Variants in FBXW8 observed in about 807,000 individuals in gnomAD.
FBXW8 encodes the protein F-box/WD repeat-containing protein 8.
In FBXW8, 57 loss-of-function variants were observed where a neutral mutation model predicts 65.3. The observed-to-expected ratio is 0.87, with a 90% confidence interval of 0.71 to 1.09. The LOEUF (loss-of-function observed/expected upper bound fraction) is 1.09, where lower values mean the gene tolerates loss of function less well. Ranked by LOEUF, FBXW8 falls within the 50% of genes least tolerant of loss-of-function variation. FBXW8 has a pLI of 0.00. For missense variants in FBXW8, 777 were observed against 814.8 expected (o/e 0.95, Z 0.57); for synonymous variants, 308 against 330.2 (o/e 0.93, Z 0.73).
chr12:116,946,631 T>C (rs912931737), intron 3 of FBXW8, among the ~76,000 whole-genome samples: 2 of 152,002 alleles, frequency 1.3e-5, no homozygotes, highest in African/African-American at 4.8e-5. Flanking sequence ...TGAGAGTTAG[T>C]GTGGCTATCC....
At chr12:117,000,560 T>TAACA (rs1483823827) in intron 7 of FBXW8, among the ~76,000 whole-genome samples, 2 of 152,212 alleles carry the variant, frequency 1.3e-5, no homozygotes, top group Non-Finnish European at 2.9e-5. Flanking sequence ...TTTGCATGTC[T>TAACA]AACAAGTGCC....
chr12:117,021,744 G>A (rs906430871), intron 8 of FBXW8, among the ~76,000 whole-genome samples: 6 of 151,072 alleles, frequency 4.0e-5, no homozygotes, highest in African/African-American at 1.5e-4. Context: ...ACTTCTTTCC[G>A]ATTTTTTTTA....
chr12:117,013,954 CTG>C (rs777198528), intron 8 of FBXW8, among the ~76,000 whole-genome samples: 3 of 151,328 alleles, frequency 2.0e-5, no homozygotes, highest in Non-Finnish European at 4.4e-5. Flanking sequence ...CGTTTAGAAT[CTG>C]TATATTTATG....
chr12:117,020,636 A>C (rs115804180), intron 8 of FBXW8, among the ~76,000 whole-genome samples: 1 of 152,184 alleles, frequency 6.6e-6, no homozygotes, highest in Admixed American at 6.5e-5. Flanking sequence ...TTCAGGGACT[A>C]TACTTTCATG....
intron 4 of FBXW8, among the ~76,000 whole-genome samples, chr12:116,952,196 A>G (rs1592879677): frequency 6.6e-6 from 1 of 152,166 alleles, no homozygotes; most frequent in African/African-American, 2.4e-5. Context: ...GGCCCCATAT[A>G]TGACATTGGC....
chr12:117,023,478 T>C (rs1954149271), intron 8 of FBXW8, among the ~76,000 whole-genome samples: 1 of 152,240 alleles, frequency 6.6e-6, no homozygotes, highest in Non-Finnish European at 1.5e-5. Context: ...TGTCCCATTA[T>C]CTAATTTATC....
intron 8 of FBXW8, among the ~76,000 whole-genome samples, chr12:117,018,504 C>G (rs916021075): frequency 6.6e-6 from 1 of 152,194 alleles, no homozygotes; most frequent in African/African-American, 2.4e-5. Context: ...GCCTGTGCTG[C>G]GCGCTGTCAG....
Position 116,988,822 on chromosome 12 carries a change from G to C in FBXW8, c.1192G>C (p.Val398Leu). ...ATGTCTAGACGTCTCGGCCAACCAAGTTGCTTTTGGTGTACAGGGTCTGGG... is the reference window on the plus strand; with the variant it reads ...ATGTCTAGACGTCTCGGCCAACCAACTTGCTTTTGGTGTACAGGGTCTGGG... ...VTCLDVSANQ[V>L]AFGVQGLGWV... Residue 398 changes from valine (V) to leucine (L), a missense_variant, in exon 7 of 11, where the codon GTT (valine) becomes CTT (leucine). By Grantham distance (32) the Val-to-Leu change is conservative (BLOSUM62 1). Transcript: ENST00000652555. 1 of 1,614,112 alleles carries C rather than the reference G, an allele frequency of 6.2e-7. No homozygotes were observed. Among genetic ancestry groups the C allele is most frequent in the Non-Finnish European group, 8.5e-7 (1 of 1,180,030 alleles).
At chr12:117,027,288 C>T (rs1215325559) in intron 9 of FBXW8, 106 bp from the exon 10 acceptor site, 3 of 829,364 alleles carry the variant, frequency 3.6e-6, no homozygotes, top group Admixed American at 2.0e-5. Flanking sequence ...AGAAGCTTAG[C>T]TTTATGGGTT....
chr12:116,912,679 G>A (rs1286690827), intron 1 of FBXW8, among the ~76,000 whole-genome samples: 3 of 151,846 alleles, frequency 2.0e-5, no homozygotes, highest in Non-Finnish European at 2.9e-5. Context: ...TAGCCAGGAT[G>A]GTCTCGATCT....
At chr12:116,918,819 G>A (rs1015680154) in intron 1 of FBXW8, among the ~76,000 whole-genome samples, 11 of 152,204 alleles carry the variant, frequency 7.2e-5, no homozygotes, top group Non-Finnish European at 1.5e-5. Context: ...GGAAAAAAGA[G>A]CAATAACTGA....
chr12:117,028,103 T>C lies in FBXW8; in HGVS notation c.1728T>C (p.Arg576=). ...LAFQSPLPVC[R]SSCDAMATHY... ...TCCAGAGCCCTCTCCCTGTCTGCCG[T>C]TCATCCTGTGACGCCATGGCCACTC... Residue 576 remains arginine (R), a synonymous_variant, in exon 11 of 11, where the codon CGT becomes CGC. Transcript: ENST00000652555. The surrounding 1 kb of genome is among the most constrained non-coding windows in gnomAD (Gnocchi z 4.1). The C allele has an allele frequency of 6.2e-7, 1 of 1,614,118 alleles. No individual in the cohort carries two copies. The highest frequency in any genetic ancestry group is 1.1e-5 in the South Asian group (1 of 91,082).
At position 116,942,727 on chromosome 12, in the gene FBXW8, A is replaced by T. The variant is rs1287579162; in HGVS notation, c.424-2637A>T. ...ACTTGTTGTTGAGCGCCTTTAGGGA[A>T]TTTTTTATTTCAGTTCCTGTACTTT... On this transcript the variant is annotated intron_variant, in intron 2 of 10. Coordinates refer to ENST00000652555, the MANE Select transcript of FBXW8 (RefSeq NM_153348.3). Among the ~76,000 whole-genome samples the T allele has an allele frequency of 4.8e-5, 7 of 145,886 alleles. No individual in the cohort carries two copies. In the South Asian group the frequency reaches 1.1e-3, roughly 22 times the overall value.
chr12:116,983,530 A>T (rs1055920978), intron 5 of FBXW8, among the ~76,000 whole-genome samples: 5 of 152,184 alleles, frequency 3.3e-5, no homozygotes, highest in Non-Finnish European at 5.9e-5. Flanking sequence ...TTTTCTTCCA[A>T]TTCTCTATAT....
chr12:116,916,520 C>T (rs1880421020), intron 1 of FBXW8, among the ~76,000 whole-genome samples: 1 of 152,026 alleles, frequency 6.6e-6, no homozygotes, highest in Admixed American at 6.5e-5. Context: ...GGAATGTGGT[C>T]CCAGTGTTGT....
intron 5 of FBXW8, 143 bp from the exon 6 acceptor site, chr12:116,985,062 CG>C (rs1306447284): frequency 4.9e-6 from 3 of 614,564 alleles, no homozygotes; most frequent in African/African-American, 1.9e-5. Flanking sequence ...ATATATGAAA[CG>C]TAAGTGATTT....
intron 8 of FBXW8, among the ~76,000 whole-genome samples, chr12:117,020,251 C>CT: frequency 6.6e-6 from 1 of 152,366 alleles, no homozygotes. Flanking sequence ...TCCTGTCAGT[C>CT]TAATTATCTT....
rs1883953733 is a variant in FBXW8 at position 116,961,006 on chromosome 12, C to A, written c.678-3691C>A. Among the ~76,000 whole-genome samples the A allele has an allele frequency of 6.6e-6, 1 of 152,110 alleles. No homozygotes were observed. The highest frequency in any genetic ancestry group is 2.4e-5 in the African/African-American group (1 of 41,412). On this transcript the variant is annotated intron_variant, in intron 4 of 10. Coordinates refer to ENST00000652555, the MANE Select transcript of FBXW8 (RefSeq NM_153348.3). This position sits in a 1 kb window ranked among gnomAD's most constrained non-coding sequence, Gnocchi z 4.4. ...ATATTGAAAACATTGATGCCTGGTTCTATCCCCAAATGGTCAGATTTATTT... is the reference window on the plus strand; with the variant it reads ...ATATTGAAAACATTGATGCCTGGTTATATCCCCAAATGGTCAGATTTATTT...
chr12:116,927,170 GTACA>G (rs1881392330), intron 1 of FBXW8, among the ~76,000 whole-genome samples: 1 of 152,080 alleles, frequency 6.6e-6, no homozygotes, highest in Non-Finnish European at 1.5e-5. Flanking sequence ...AGGCAGAGGG[GTACA>G]TACATACATA....
Sources: allele counts gnomAD v4.1 joint callset (sites outside exome capture counted in the v4.1 genomes callset), GRCh38; gene constraint gnomAD v4.1.1; non-coding constraint Gnocchi (gnomAD v3.1); transcripts MANE v1.5; gene names NCBI Gene and HGNC (gene_info 2026-07-23, HGNC 2026-07-21).